SP140: variants seen among roughly 807,000 people sequenced by gnomAD.
The protein encoded by SP140 is SP140 nuclear body protein, also known as nuclear body protein SP140.
SP140 carries 81 observed loss-of-function variants against 125.0 expected under a neutral mutation model. The observed-to-expected ratio is 0.65, with a 90% confidence interval of 0.54 to 0.78. The LOEUF is 0.78. Ranked by LOEUF, SP140 falls within the 30% of genes least tolerant of loss-of-function variation. The pLI is 0.00. For missense variants in SP140, 858 were observed against 1,037.0 expected (o/e 0.83, Z 2.37); for synonymous variants, 312 against 354.0 (o/e 0.88, Z 1.33).
chr2:230,220,563 G>A (rs966475676), intron 3 of SP140, among the ~76,000 whole-genome samples: 1 of 152,184 alleles, frequency 6.6e-6, no homozygotes, highest in Non-Finnish European at 1.5e-5. Flanking sequence ...CTGAGAGCTG[G>A]GCAGGTAGTT....
intron 20 of SP140, 56 bp downstream of exon 20, chr2:230,292,844 G>T: frequency 1.9e-6 from 3 of 1,607,590 alleles, no homozygotes; most frequent in Non-Finnish European, 2.5e-6. Flanking sequence ...TAATAATGAG[G>T]AGACTGTTTA....
At chr2:230,248,124 G>C (rs2049777967) in intron 8 of SP140, 59 bp downstream of exon 8, 1 of 1,550,900 alleles carries the variant, frequency 6.4e-7, no homozygotes, top group South Asian at 1.2e-5. Context: ...GCCAACATGG[G>C]GTGGGAGACC....
At chr2:230,285,676 C>A in intron 16 of SP140, 76 bp from the exon 17 acceptor site, 1 of 1,226,794 alleles carries the variant, frequency 8.2e-7, no homozygotes, top group Non-Finnish European at 1.2e-6. Flanking sequence ...AGGACTCCCT[C>A]ACTTGCGTTT....
chr2:230,282,624 C>A (rs1188347536), intron 15 of SP140, among the ~76,000 whole-genome samples: 1 of 151,348 alleles, frequency 6.6e-6, no homozygotes, highest in African/African-American at 2.4e-5. Context: ...ATAGTGAGAC[C>A]CCGTATCTAC....
intron 1 of SP140, among the ~76,000 whole-genome samples, chr2:230,229,809 G>T (rs1345978163): frequency 6.6e-6 from 1 of 151,940 alleles, no homozygotes; most frequent in East Asian, 1.9e-4. Flanking sequence ...ACAGGATATG[G>T]AAGCCTACAT....
chr2:230,239,645 C>T (rs6708519), intron 3 of SP140, among the ~76,000 whole-genome samples: 93,533 of 152,020 alleles, frequency 0.62, 29,044 homozygotes, highest in Middle Eastern at 0.66. Flanking sequence ...GACAGGGTTT[C>T]GCCATGTTGG....
At chr2:230,277,650 G>A (rs1038006571) in intron 15 of SP140, among the ~76,000 whole-genome samples, 6 of 151,894 alleles carry the variant, frequency 4.0e-5, no homozygotes, top group African/African-American at 1.2e-4. Context: ...CAAATATATT[G>A]TCCACCTCAT....
At chr2:230,277,823 T>C (rs999839248) in intron 15 of SP140, among the ~76,000 whole-genome samples, 2 of 152,158 alleles carry the variant, frequency 1.3e-5, no homozygotes, top group Non-Finnish European at 2.9e-5. Context: ...TACTATTTTA[T>C]GTATGTTTTC....
In SP140 at chr2:230,237,081, A is replaced by G; in HGVS notation, c.60-2A>G. On this transcript the variant is annotated splice_acceptor_variant, in intron 1 of 26. Transcript: ENST00000392045. LOFTEE classifies it high-confidence loss of function. The surrounding 1 kb of genome is among the most constrained non-coding windows in gnomAD (Gnocchi z 5.4). ...CTTCCACGTTGTATCTTTGTTTCTT[A>G]GGATGGTCGCAGAGATCCAGAACGT... 2 of 1,567,346 alleles carry G rather than the reference A, an allele frequency of 1.3e-6. No individual in the cohort carries two copies. Among genetic ancestry groups the G allele is most frequent in the Non-Finnish European group, 1.7e-6 (2 of 1,159,936 alleles).
chr2:230,216,176 G>C (rs998508666), intron 3 of SP140, among the ~76,000 whole-genome samples: 7 of 152,198 alleles, frequency 4.6e-5, no homozygotes, highest in African/African-American at 1.7e-4. Context: ...TTGAATGTTG[G>C]ATGGATATAT....
rs2059430015 is a variant in SP140, at chr2:230,312,811, C to T, written c.*127C>T. 1 of 662,474 alleles carries T rather than the reference C, an allele frequency of 1.5e-6. No homozygotes were observed. The highest frequency in any genetic ancestry group is 2.9e-5 in the East Asian group (1 of 34,010). 41.0% of individuals were successfully genotyped at this position (662,474 alleles called of 1,614,324 possible). Reference sequence around the variant, plus strand: ...CAGGGAGGGGCTTTTCTCTGAGCCTCCTTCATCTGCCCAAAGACAAATCCT... The same window carrying T: ...CAGGGAGGGGCTTTTCTCTGAGCCTTCTTCATCTGCCCAAAGACAAATCCT... On this transcript the variant is annotated 3_prime_UTR_variant, in exon 27 of 27. Transcript: ENST00000392045.
intron 12 of SP140, among the ~76,000 whole-genome samples, chr2:230,266,770 T>TC (rs1377550174): frequency 6.6e-6 from 1 of 152,184 alleles, no homozygotes; most frequent in Non-Finnish European, 1.5e-5. Flanking sequence ...CCAATCATAT[T>TC]CCTTAATACA....
chr2:230,221,885 GA>G (rs2045849308), upstream of SP140: 3 of 675,800 alleles, frequency 4.4e-6, no homozygotes, highest in South Asian at 3.5e-5. Context: ...ATTGTTACAT[GA>G]AAAAAAGACA....
chr2:230,299,488 C>G (rs775834026), intron 22 of SP140, among the ~76,000 whole-genome samples: 55 of 152,334 alleles, frequency 3.6e-4, no homozygotes, highest in Non-Finnish European at 4.9e-4. Flanking sequence ...CTTTATCTCA[C>G]AGTCCTTGGG....
intron 12 of SP140, 86 bp downstream of exon 12, chr2:230,255,618 C>A: frequency 1.7e-6 from 2 of 1,174,292 alleles, no homozygotes; most frequent in Non-Finnish European, 2.5e-6. Flanking sequence ...GATTGACTTT[C>A]CTCTGCATAT....
upstream of SP140, among the ~76,000 whole-genome samples, chr2:230,224,542 G>A (rs2046106666): frequency 6.6e-6 from 1 of 151,462 alleles, no homozygotes; most frequent in Admixed American, 6.6e-5. Context: ...AGGAGAGAGA[G>A]AGAGATACTG....
chr2:230,243,662 T>C, intron 4 of SP140, 69 bp from the exon 5 acceptor site: 1 of 1,254,830 alleles, frequency 8.0e-7, no homozygotes, highest in Non-Finnish European at 1.2e-6. Flanking sequence ...TCTCATTATT[T>C]GTTTTCTTGT....
chr2:230,238,483 A>G (rs988581953), intron 3 of SP140, 102 bp downstream of exon 3: 1 of 1,151,552 alleles, frequency 8.7e-7, no homozygotes. Flanking sequence ...TGACTGAGTG[A>G]CTATTACATG....
At position 230,237,283 on chromosome 2, in the gene SP140, T is replaced by C. The variant is rs769214645; in HGVS notation, c.237+23T>C. On this transcript the variant is annotated intron_variant, in intron 2 of 26. Coordinates refer to ENST00000392045, the MANE Select transcript of SP140 (RefSeq NM_007237.5). The surrounding 1 kb of genome is among the most constrained non-coding windows in gnomAD (Gnocchi z 5.4). Reference sequence around the variant, plus strand: ...GAAGTAAGTAAGAATTTCCAAATGATGATAAACCAGGTCCATACTCAATTA... The same window carrying C: ...GAAGTAAGTAAGAATTTCCAAATGACGATAAACCAGGTCCATACTCAATTA... 2.5e-6 allele frequency: 4 copies of C among 1,606,090 alleles called. No individual in the cohort carries two copies. In the East Asian group the frequency reaches 9.0e-5, roughly 36 times the overall value.
Sources: gnomAD v4.1 joint callset for allele counts (sites outside exome capture counted in the v4.1 genomes callset) on GRCh38, gnomAD v4.1.1 for gene constraint, Gnocchi (gnomAD v3.1) non-coding constraint, MANE v1.5 for transcripts, NCBI Gene and HGNC (gene_info 2026-07-23, HGNC 2026-07-21) for gene names.